The following BRWD1 variants were observed in gnomAD, a reference collection of about 807,000 sequenced individuals.
The protein encoded by BRWD1 is bromodomain and WD repeat domain containing 1.
A neutral mutation model predicts 251.2 loss-of-function variants in BRWD1; 82 were observed. The observed-to-expected ratio is 0.33, with a 90% confidence interval of 0.27 to 0.39. The LOEUF (loss-of-function observed/expected upper bound fraction) is 0.39, where lower values mean the gene tolerates loss of function less well. BRWD1 is among the 10% of genes least tolerant of loss of function. The pLI is 1.00. For synonymous variants in BRWD1, 918 were observed against 902.8 expected (o/e 1.02, Z -0.30); for missense variants, 2,233 against 2,711.6 (o/e 0.82, Z 3.92).
intron 35 of BRWD1, among the ~76,000 whole-genome samples, chr21:39,210,438 TA>T: frequency 6.6e-6 from 1 of 152,204 alleles, no homozygotes; most frequent in Non-Finnish European, 1.5e-5. Context: ...CAACTTTTTT[TA>T]TAAAGTCATC....
rs2034244381 is a variant in BRWD1 at position 39,247,711 on chromosome 21, G to C, written c.2471C>G (p.Ser824Cys). The part of the protein sequence containing the change: ...ELSSGNESSS[S>C]VRHETSCDQS... ...AAGTTTTCCACTCACATGTCTTACAGAGCTTGAAGACTCATTTCCAGAAGA... is the reference window on the plus strand; with the variant it reads ...AAGTTTTCCACTCACATGTCTTACACAGCTTGAAGACTCATTTCCAGAAGA... Residue 824 changes from serine (S) to cysteine (C), a missense_variant, in exon 21 of 41, where the codon TCT (serine) becomes TGT (cysteine). Ser to Cys is a moderately radical substitution (Grantham distance 112). This residue lies in a region of BRWD1 where 214 missense variants were observed against 222.0 expected (regional missense o/e 0.96). Coordinates refer to ENST00000342449, the MANE Select transcript of BRWD1 (RefSeq NM_033656.4). 2 of 1,609,250 alleles carry C rather than the reference G, an allele frequency of 1.2e-6. No homozygotes were observed. The highest frequency in any genetic ancestry group is 1.7e-6 in the Non-Finnish European group (2 of 1,178,648).
At chr21:39,313,976 C>A (rs981189903), upstream of BRWD1, 3 of 402,308 alleles carry the variant, frequency 7.5e-6, no homozygotes, top group South Asian at 1.7e-5. Flanking sequence ...CAAGAGGGGG[C>A]GATTCACCGC....
chr21:39,261,731 G>C (rs746180719), intron 17 of BRWD1, among the ~76,000 whole-genome samples: 4 of 150,582 alleles, frequency 2.7e-5, no homozygotes, highest in Admixed American at 6.6e-5. Context: ...CATTAGTGGA[G>C]GTCATATGGA....
rs201657909 is a variant in BRWD1 at position 39,229,419 on chromosome 21, T to C, written c.3018A>G (p.Lys1006=). 1.9e-6 allele frequency: 3 copies of C among 1,609,174 alleles called. No homozygotes were observed. Among genetic ancestry groups the C allele is most frequent in the Non-Finnish European group, 2.6e-6 (3 of 1,176,066 alleles). ...CAACTTCATATCGTATTCCAACTAT[T>C]TTAACCAATTCTTGATCCTTTAACA... ...KMDLRDQELV[K]IVGIRYEVGP... is the part of the protein sequence containing the mutation. Residue 1006 remains lysine, a synonymous_variant, in exon 26 of 41, where the codon AAA becomes AAG. Transcript: ENST00000342449.
upstream of BRWD1, chr21:39,314,721 A>G (rs777808008): frequency 1.1e-4 from 29 of 252,490 alleles, no homozygotes; most frequent in Non-Finnish European, 2.1e-4. Flanking sequence ...ATTCTTACTC[A>G]TGGCAATAAC....
In BRWD1 at chr21:39,206,288, A is replaced by G. The variant is rs749452127; in HGVS notation, c.4198-14T>C. On this transcript the variant is annotated splice_polypyrimidine_tract_variant and intron_variant, in intron 36 of 40. Transcript: ENST00000342449. The stretch of plus-strand genomic sequence containing the variant: ...CATACTATAAATCTGCAAGGATATA[A>G]AAACAAAGTAGAATTACAAAATAGC... The G allele has an allele frequency of 4.6e-6, 7 of 1,520,634 alleles. No individual in the cohort carries two copies. The highest frequency in any genetic ancestry group is 6.3e-6 in the Non-Finnish European group (7 of 1,118,354). 94.2% of individuals were successfully genotyped at this position (1,520,634 alleles called of 1,614,324 possible).
At position 39,190,853 on chromosome 21, in the gene BRWD1, G is replaced by A. The variant is rs984013528; in HGVS notation, c.*5406C>T. On this transcript the variant is annotated 3_prime_UTR_variant, in exon 41 of 41. Coordinates refer to ENST00000342449, the MANE Select transcript of BRWD1 (RefSeq NM_033656.4). ...AATAATTCCATGAACTAGTTCATTAGCTTATTCATTTTTAGGGTTCATTTA... is the reference window on the plus strand; with the variant it reads ...AATAATTCCATGAACTAGTTCATTAACTTATTCATTTTTAGGGTTCATTTA... The A allele has an allele frequency of 1.0e-6, 1 of 985,106 alleles. No individual in the cohort carries two copies. The highest frequency in any genetic ancestry group is 1.2e-6 in the Non-Finnish European group (1 of 829,830). The allele number at this position is 985,106 out of a possible 1,614,324, so 61.0% of individuals were successfully genotyped here.
chr21:39,198,083 T>G (rs886201892), intron 40 of BRWD1, among the ~76,000 whole-genome samples: 1 of 152,242 alleles, frequency 6.6e-6, no homozygotes, highest in African/African-American at 2.4e-5. Flanking sequence ...TCTCTGAAAC[T>G]CCCCGTAACT....
chr21:39,291,490 C>T (rs1178805981), intron 8 of BRWD1, among the ~76,000 whole-genome samples: 2 of 152,330 alleles, frequency 1.3e-5, no homozygotes, highest in South Asian at 4.1e-4. Context: ...ACCCCACCAA[C>T]ATGTTTTTCC....
At chr21:39,305,894 T>A (rs988858767) in intron 4 of BRWD1, among the ~76,000 whole-genome samples, 1 of 141,108 alleles carries the variant, frequency 7.1e-6, no homozygotes, top group Admixed American at 7.1e-5. Context: ...CTTATCGGGG[T>A]GTGGCTGCGC....
chr21:39,313,804 G>C (rs1023834201), upstream of BRWD1: 2 of 365,224 alleles, frequency 5.5e-6, no homozygotes, highest in Admixed American at 5.2e-5. Flanking sequence ...AGAAAGTGAC[G>C]CGGAGGCAAA....
intron 12 of BRWD1, 53 bp from the exon 13 acceptor site, chr21:39,274,525 G>T: frequency 1.5e-6 from 2 of 1,370,534 alleles, no homozygotes; most frequent in Non-Finnish European, 2.1e-6. Flanking sequence ...TCCAACAAGG[G>T]CTACAATTAA....
rs1479044753 is a variant in BRWD1 at position 39,195,319 on chromosome 21, C to T, written c.*940G>A. 1 of 999,814 alleles carries T rather than the reference C, an allele frequency of 1.0e-6. No individual in the cohort carries two copies. The highest frequency in any genetic ancestry group is 5.6e-5 in the Admixed American group (1 of 17,806). The allele number at this position is 999,814 out of a possible 1,614,324, so 61.9% of individuals were successfully genotyped here. A position where few individuals can be genotyped will look rare whatever the true frequency, so the allele number is the denominator to read the frequency against. On this transcript the variant is annotated 3_prime_UTR_variant, in exon 41 of 41. Transcript: ENST00000342449. Reference sequence around the variant, plus strand: ...TTGGAATACAGATGGGGGAAACCTACATATTAACTTAAATACTCTTTTAGC... The same window carrying T: ...TTGGAATACAGATGGGGGAAACCTATATATTAACTTAAATACTCTTTTAGC...
upstream of BRWD1, chr21:39,315,102 T>G (rs2036672748): frequency 6.6e-6 from 1 of 152,078 alleles, no homozygotes; most frequent in African/African-American, 2.4e-5. Flanking sequence ...GTTCCAGCGA[T>G]TCTTGTGCCT....
intron 29 of BRWD1, among the ~76,000 whole-genome samples, chr21:39,220,384 G>A (rs1208617507): frequency 1.3e-5 from 2 of 152,166 alleles, no homozygotes; most frequent in Admixed American, 1.3e-4. Context: ...TGCATAAAAG[G>A]GCCTTGCCTT....
At chr21:39,236,465 C>T in intron 23 of BRWD1, 130 bp downstream of exon 23, 1 of 845,992 alleles carries the variant, frequency 1.2e-6, no homozygotes, top group African/African-American at 1.7e-5. Flanking sequence ...CAGACCAGCC[C>T]CAGAGCAGGG....
rs749314478 is a variant in BRWD1, at chr21:39,313,274, G to A, written c.75C>T (p.Tyr25=). 58 of 1,562,676 alleles carry A rather than the reference G, an allele frequency of 3.7e-5. 1 individual carries two copies. In the South Asian group the frequency reaches 5.1e-4, roughly 14 times the overall value. The change falls in exon 2 of 41, where the codon TAC becomes TAT. Residue 25 remains tyrosine, a synonymous_variant. Transcript: ENST00000342449. The stretch of plus-strand genomic sequence containing the variant: ...CTCTCCGACACGGGCCCGCCGATAG[G>A]TACCGGGCGATAAGGAAGTACAGCT... ...ESELYFLIAR[Y]LSAGPCRRAA... is the part of the protein sequence containing the mutation.
chr21:39,290,008 G>A (rs1601472113), intron 8 of BRWD1, among the ~76,000 whole-genome samples: 1 of 145,796 alleles, frequency 6.9e-6, no homozygotes, highest in Non-Finnish European at 1.5e-5. Context: ...CTGGGTGACA[G>A]AGTGAGACTC....
intron 8 of BRWD1, among the ~76,000 whole-genome samples, chr21:39,287,865 TC>T (rs2035691343): frequency 2.0e-5 from 3 of 152,178 alleles, no homozygotes; most frequent in Admixed American, 2.0e-4. Context: ...GGTGTAAATT[TC>T]CCCTTCAGCA....
Sources: allele counts gnomAD v4.1 joint callset (sites outside exome capture counted in the v4.1 genomes callset), GRCh38; gene constraint gnomAD v4.1.1; regional missense constraint gnomAD v4.1.1; transcripts MANE v1.5; gene names NCBI Gene and HGNC (gene_info 2026-07-23, HGNC 2026-07-21).